The following FAT3 variants were observed in gnomAD, a reference collection of about 807,000 sequenced individuals.
FAT3 encodes the protein protocadherin Fat 3.
In FAT3, 95 loss-of-function variants were observed where a neutral mutation model predicts 310.2. The observed-to-expected ratio is 0.31, with a 90% CI of 0.26 to 0.36. FAT3 has a LOEUF of 0.36. FAT3 is among the 10% of genes least tolerant of loss of function. FAT3 has a pLI of 1.00. For synonymous variants in FAT3, 2,314 were observed against 2,192.9 expected (o/e 1.06, Z -1.54); for missense variants, 5,408 against 5,715.6 (o/e 0.95, Z 1.74).
At chr11:92,686,105 T>G (rs922698505) in intron 3 of FAT3, among the ~76,000 whole-genome samples, 3 of 152,178 alleles carry the variant, frequency 2.0e-5, no homozygotes, top group African/African-American at 7.2e-5. Context: ...GGTAAATGAT[T>G]AAGCACAAAT....
chr11:92,642,112 G>A (rs1019139654), intron 3 of FAT3, among the ~76,000 whole-genome samples: 1 of 152,224 alleles, frequency 6.6e-6, no homozygotes, highest in Non-Finnish European at 1.5e-5. Context: ...GGGGGCTGTG[G>A]ATCTTCCTTT....
chr11:92,302,310 CT>C (rs75687669), intron 1 of FAT3, among the ~76,000 whole-genome samples: 387 of 150,996 alleles, frequency 2.6e-3, no homozygotes, highest in Middle Eastern at 0.01. Flanking sequence ...AAAAAATAGG[CT>C]TTTTTTTTCT....
chr11:92,397,727 G>A (rs564393747), intron 2 of FAT3, among the ~76,000 whole-genome samples: 11 of 149,948 alleles, frequency 7.3e-5, no homozygotes, highest in African/African-American at 2.4e-4. Flanking sequence ...CCCCGCTTGC[G>A]AACACGCCAC....
chr11:92,420,439 T>C (rs1189736604), intron 2 of FAT3, among the ~76,000 whole-genome samples: 1 of 152,154 alleles, frequency 6.6e-6, no homozygotes, highest in African/African-American at 2.4e-5. Context: ...CAGTCTTAGT[T>C]CAGGGGGACA....
chr11:92,821,829 T>G (rs997389257), intron 13 of FAT3, among the ~76,000 whole-genome samples: 2 of 152,124 alleles, frequency 1.3e-5, no homozygotes, highest in Non-Finnish European at 2.9e-5. Context: ...CCTGAATTAT[T>G]TACCTCCTAC....
At chr11:92,572,889 A>C (rs1275498965) in intron 3 of FAT3, among the ~76,000 whole-genome samples, 1 of 152,214 alleles carries the variant, frequency 6.6e-6, no homozygotes, top group Non-Finnish European at 1.5e-5. Flanking sequence ...AGTCCATAAG[A>C]AGATGGTGCC....
At chr11:92,433,964 C>A (rs1251387738) in intron 2 of FAT3, among the ~76,000 whole-genome samples, 1 of 146,628 alleles carries the variant, frequency 6.8e-6, no homozygotes, top group Admixed American at 7.0e-5. Flanking sequence ...TGCAGTAAGC[C>A]GAGATTGCGC....
At chr11:92,711,827 T>C (rs1944532369) in intron 4 of FAT3, among the ~76,000 whole-genome samples, 1 of 152,216 alleles carries the variant, frequency 6.6e-6, no homozygotes, top group South Asian at 2.1e-4. Flanking sequence ...TCAGCTACTC[T>C]CCTTTCTTCC....
intron 3 of FAT3, among the ~76,000 whole-genome samples, chr11:92,562,294 C>G (rs1252579316): frequency 6.6e-6 from 1 of 152,088 alleles, no homozygotes; most frequent in African/African-American, 2.4e-5. Context: ...ATGGGAAATT[C>G]CTTATGGAAG....
chr11:92,352,405 T>C lies in FAT3; in HGVS notation c.293T>C (p.Ile98Thr). 1 of 1,611,504 alleles carries C rather than the reference T, an allele frequency of 6.2e-7. No individual in the cohort carries two copies. ...EEGFFKAEEV[I>T]IADFCFLRIR... is the part of the protein sequence containing the mutation. ...GGCTTTTTCAAAGCAGAGGAAGTCATCATTGCAGATTTCTGTTTTCTCAGA... is the reference window on the plus strand; with the variant it reads ...GGCTTTTTCAAAGCAGAGGAAGTCACCATTGCAGATTTCTGTTTTCTCAGA... Residue 98 changes from isoleucine (I) to threonine (T), a missense_variant, in exon 2 of 28, where the codon ATC becomes ACC. Ile to Thr is a moderately conservative substitution (Grantham distance 89, BLOSUM62 -1). This residue lies in a region of FAT3 where 152 missense variants were observed against 188.3 expected (regional missense o/e 0.81). Transcript: ENST00000525166.
intron 3 of FAT3, among the ~76,000 whole-genome samples, chr11:92,649,270 G>A (rs553613927): frequency 1.3e-5 from 2 of 152,258 alleles, no homozygotes; most frequent in South Asian, 2.1e-4. Context: ...TTAGGATAGC[G>A]TTTTATAGCA....
chr11:92,715,133 C>T (rs897802375), intron 4 of FAT3, among the ~76,000 whole-genome samples: 22 of 151,332 alleles, frequency 1.5e-4, no homozygotes, highest in Non-Finnish European at 2.7e-4. Flanking sequence ...TGGCCGGGTG[C>T]GTTGGCTCAC....
At chr11:92,584,007 G>A (rs180909146) in intron 3 of FAT3, among the ~76,000 whole-genome samples, 23 of 152,114 alleles carry the variant, frequency 1.5e-4, no homozygotes, top group East Asian at 5.8e-4. Context: ...ATAGAACAGC[G>A]CTTGAATTCT....
intron 3 of FAT3, among the ~76,000 whole-genome samples, chr11:92,591,458 G>A (rs981822826): frequency 6.6e-5 from 10 of 152,172 alleles, no homozygotes; most frequent in Admixed American, 6.5e-4. Flanking sequence ...ATATATTTCT[G>A]TTAATCCAAA....
chr11:92,550,027 T>A (rs913765466), intron 3 of FAT3, among the ~76,000 whole-genome samples: 4 of 152,196 alleles, frequency 2.6e-5, no homozygotes, highest in Non-Finnish European at 4.4e-5. Context: ...GAGTTAGGAT[T>A]AATCCCACTT....
chr11:92,269,145 T>C (rs577877067), intron 1 of FAT3, among the ~76,000 whole-genome samples: 1 of 151,602 alleles, frequency 6.6e-6, no homozygotes, highest in South Asian at 2.1e-4. Flanking sequence ...AGAAGATTCA[T>C]TAGACTGAAG....
chr11:92,355,655 A>G (rs752671762), intron 2 of FAT3, among the ~76,000 whole-genome samples: 2 of 152,232 alleles, frequency 1.3e-5, no homozygotes, highest in African/African-American at 2.4e-5. Flanking sequence ...GCTCAGCACT[A>G]TTGCTACCAG....
rs766636580 is a variant in FAT3, at chr11:92,765,050, G to A, written c.4156G>A (p.Val1386Met). The A allele has an allele frequency of 1.2e-5, 19 of 1,613,388 alleles. No individual in the cohort carries two copies. The highest frequency in any genetic ancestry group is 1.4e-5 in the Non-Finnish European group (16 of 1,179,792). The change falls in exon 6 of 28, where the codon GTG becomes ATG. Residue 1386 changes from valine to methionine, a missense_variant. Val to Met is a conservative substitution (Grantham distance 21). Transcript: ENST00000525166. ...GACTGAAATTGTAGGGGTGGTGTCT[G>A]TGCAGCCAGCTAACACCCCTCTGTG... The part of the protein sequence containing the change: ...RVTEIVGVVS[V>M]QPANTPLWFD...
intron 2 of FAT3, among the ~76,000 whole-genome samples, chr11:92,392,591 A>G (rs143804212): frequency 2.1e-3 from 322 of 152,168 alleles, no homozygotes; most frequent in Non-Finnish European, 3.9e-3. Context: ...ACACCACCCT[A>G]TACTGTAATG....
Sources: allele counts gnomAD v4.1 joint callset (sites outside exome capture counted in the v4.1 genomes callset), GRCh38; gene constraint gnomAD v4.1.1; regional missense constraint gnomAD v4.1.1; transcripts MANE v1.5; gene names NCBI Gene and HGNC (gene_info 2026-07-23, HGNC 2026-07-21).